Variants in CRY2 observed in about 807,000 individuals in gnomAD.
CRY2 encodes the protein cryptochrome circadian regulator 2.
CRY2 carries 31 observed loss-of-function variants against 69.5 expected under a neutral mutation model. That is an observed-to-expected ratio of 0.45 (90% CI 0.34 to 0.60). CRY2 has a LOEUF of 0.60. Ranked by LOEUF, CRY2 falls within the 20% of genes least tolerant of loss-of-function variation. The pLI, the probability that CRY2 is intolerant of heterozygous loss-of-function variation, is 0.02. For synonymous variants in CRY2, 303 were observed against 312.2 expected (o/e 0.97, Z 0.31); for missense variants, 606 against 797.8 (o/e 0.76, Z 2.90).
At chr11:45,879,058 C>T (rs912507993) in intron 11 of CRY2, among the ~76,000 whole-genome samples, 1 of 151,526 alleles carries the variant, frequency 6.6e-6, no homozygotes, top group Non-Finnish European at 1.5e-5. Context: ...GGAGAAACCC[C>T]ATCTCTACTA....
At chr11:45,872,750 G>T (rs553994474) in intron 11 of CRY2, among the ~76,000 whole-genome samples, 1 of 152,130 alleles carries the variant, frequency 6.6e-6, no homozygotes, top group Non-Finnish European at 1.5e-5. Flanking sequence ...GAGGGGTGGC[G>T]CTTTCTACCT....
At position 45,847,699 on chromosome 11, in the gene CRY2, G is replaced by C. The variant is rs1192572712; in HGVS notation, c.209G>C (p.Arg70Pro). ...FAASSSVGIN[R>P]WRFLLQSLED... ...GCCTCCTCCTCAGTCGGGATCAACC[G>C]ATGGAGGTGAGGGGACCCGGGGCTG... The change falls in exon 1 of 12, where the codon CGA becomes CCA. Residue 70 changes from arginine to proline, a missense_variant. Coordinates refer to ENST00000616080, the MANE Select transcript of CRY2 (RefSeq NM_021117.5). The C allele has an allele frequency of 6.4e-7, 1 of 1,568,104 alleles. No individual in the cohort carries two copies. The highest frequency in any genetic ancestry group is 1.2e-5 in the South Asian group (1 of 85,468).
chr11:45,871,968 G>A, intron 10 of CRY2, 124 bp from the exon 11 acceptor site: 1 of 1,354,534 alleles, frequency 7.4e-7, no homozygotes, highest in Non-Finnish European at 1.0e-6. Flanking sequence ...GGTCTGAGGA[G>A]CAGCATGCTG....
chr11:45,877,338 A>T (rs1399093817), intron 11 of CRY2, among the ~76,000 whole-genome samples: 1 of 152,234 alleles, frequency 6.6e-6, no homozygotes, highest in Non-Finnish European at 1.5e-5. Flanking sequence ...AGACTCGGTG[A>T]CAGTCTGCAA....
rs79187926 is a variant in CRY2, at chr11:45,866,410, A to C, written c.742-1202A>C. Among the ~76,000 whole-genome samples the C allele has an allele frequency of 9.8e-3, 1,489 of 152,330 alleles. 33 individuals are homozygous for C. Among genetic ancestry groups the C allele is most frequent in the African/African-American group, 0.034 (1,400 of 41,562 alleles). On this transcript the variant is annotated intron_variant, in intron 5 of 11. Coordinates refer to ENST00000616080, the MANE Select transcript of CRY2 (RefSeq NM_021117.5). ...AGGCAGAGGAGGTGGAGCTGATGAA[A>C]GACCAAGAGCGCCAGGCAGCTGGGA...
At chr11:45,866,360 C>T (rs566512451) in intron 5 of CRY2, among the ~76,000 whole-genome samples, 22 of 152,196 alleles carry the variant, frequency 1.4e-4, no homozygotes, top group Admixed American at 6.5e-4. Context: ...TAGAGCTGAG[C>T]CCTGGGTACC....
intron 1 of CRY2, 80 bp downstream of exon 1, chr11:45,847,785 C>G: frequency 6.9e-7 from 1 of 1,445,674 alleles, no homozygotes; most frequent in Non-Finnish European, 9.2e-7. Flanking sequence ...CACGATCCCC[C>G]CAACCCCGCC....
In CRY2 at chr11:45,859,476, C is replaced by A. The variant is rs1456091694; in HGVS notation, c.467+603C>A. Reference sequence around the variant, plus strand: ...ACTGAAGAGGCTGAGGTTGGAGGATCACTTGAGCCCAGGGGCTTGAGGCTG... The same window carrying A: ...ACTGAAGAGGCTGAGGTTGGAGGATAACTTGAGCCCAGGGGCTTGAGGCTG... On this transcript the variant is annotated intron_variant, in intron 3 of 11. Coordinates refer to ENST00000616080, the MANE Select transcript of CRY2 (RefSeq NM_021117.5). Among the ~76,000 whole-genome samples, 3 of 151,614 alleles carry A rather than the reference C, an allele frequency of 2.0e-5. No homozygotes were observed. In the East Asian group the frequency reaches 5.8e-4, roughly 29 times the overall value.
chr11:45,858,833 G>A lies in CRY2; in HGVS notation c.427G>A (p.Val143Ile), dbSNP rs2086263334. The A allele has an allele frequency of 1.9e-6, 3 of 1,614,092 alleles. No individual in the cohort carries two copies. Residue 143 changes from valine to isoleucine, a missense_variant, in exon 3 of 12, where the codon GTA becomes ATA. Transcript: ENST00000616080. Reference sequence around the variant, plus strand: ...GATGGCCAAGGAGGCTGGTGTGGAAGTAGTGACGGAGAATTCTCATACCCT... The same window carrying A: ...GATGGCCAAGGAGGCTGGTGTGGAAATAGTGACGGAGAATTCTCATACCCT... ...MKMAKEAGVE[V>I]VTENSHTLYD... is the part of the protein sequence containing the mutation.
At chr11:45,852,884 A>G (rs964015776) in intron 1 of CRY2, among the ~76,000 whole-genome samples, 7 of 152,224 alleles carry the variant, frequency 4.6e-5, no homozygotes, top group East Asian at 1.9e-4. Flanking sequence ...CTGCATTTCA[A>G]CAGACTCCTG....
chr11:45,856,508 C>G (rs1168756617), intron 2 of CRY2, among the ~76,000 whole-genome samples: 1 of 152,206 alleles, frequency 6.6e-6, no homozygotes, highest in Non-Finnish European at 1.5e-5. Context: ...GAAAAGTCAG[C>G]CTTTTCTGCC....
intron 1 of CRY2, among the ~76,000 whole-genome samples, chr11:45,850,780 C>T (rs1385161350): frequency 2.0e-5 from 3 of 152,148 alleles, no homozygotes; most frequent in African/African-American, 7.2e-5. Context: ...GGACCATCTG[C>T]AAGGAGGGGA....
At chr11:45,848,235 C>T (rs931999055) in intron 1 of CRY2, among the ~76,000 whole-genome samples, 4 of 152,276 alleles carry the variant, frequency 2.6e-5, no homozygotes, top group African/African-American at 9.6e-5. Context: ...CGTCCTGCCT[C>T]TAGGGGTGTC....
intron 6 of CRY2, 57 bp from the exon 7 acceptor site, chr11:45,869,449 G>T: frequency 1.3e-6 from 2 of 1,530,350 alleles, no homozygotes; most frequent in Non-Finnish European, 1.8e-6. Flanking sequence ...GACCTGAGAG[G>T]CACCATGCTA....
chr11:45,856,653 G>A (rs528926427), intron 2 of CRY2, among the ~76,000 whole-genome samples: 2 of 152,290 alleles, frequency 1.3e-5, no homozygotes, highest in South Asian at 4.1e-4. Flanking sequence ...AAAATTAGCT[G>A]GGCATGTTGG....
intron 5 of CRY2, among the ~76,000 whole-genome samples, chr11:45,864,326 T>G (rs2086312693): frequency 6.6e-6 from 1 of 152,114 alleles, no homozygotes; most frequent in African/African-American, 2.4e-5. Flanking sequence ...AATAACATAT[T>G]AAAGTTTTTT....
At chr11:45,879,571 A>C (rs534823385) in intron 11 of CRY2, among the ~76,000 whole-genome samples, 1 of 152,262 alleles carries the variant, frequency 6.6e-6, no homozygotes. Flanking sequence ...GTAAAAAGAC[A>C]GATTTGAGAA....
At chr11:45,872,511 T>C (rs1408870623) in intron 11 of CRY2, among the ~76,000 whole-genome samples, 1 of 151,780 alleles carries the variant, frequency 6.6e-6, no homozygotes, top group Non-Finnish European at 1.5e-5. Flanking sequence ...GAGGCCAAGG[T>C]GGGAGGATCG....
chr11:45,852,559 C>T (rs775799298), intron 1 of CRY2, among the ~76,000 whole-genome samples: 2 of 152,210 alleles, frequency 1.3e-5, no homozygotes, highest in Non-Finnish European at 2.9e-5. Flanking sequence ...TGGGGACCCT[C>T]CTCACATCCC....
Sources: allele counts gnomAD v4.1 joint callset (sites outside exome capture counted in the v4.1 genomes callset), GRCh38; gene constraint gnomAD v4.1.1; transcripts MANE v1.5; gene names NCBI Gene and HGNC (gene_info 2026-07-23, HGNC 2026-07-21).